The following PPIB variants were observed in gnomAD, a reference collection of about 807,000 sequenced individuals.
The protein encoded by PPIB is peptidylprolyl isomerase B, also known as peptidyl-prolyl cis-trans isomerase B.
A neutral mutation model predicts 20.1 loss-of-function variants in PPIB; 15 were observed. The ratio of observed to expected loss-of-function variants is 0.75; its 90% confidence interval spans 0.50 to 1.15. The LOEUF is 1.15. PPIB is among the 50% of genes most tolerant of loss of function. The probability of loss-of-function intolerance (pLI) is 0.00; values close to 1 mark genes in which losing one functional copy is unlikely to be tolerated. For missense variants in PPIB, 278 were observed against 283.0 expected, an observed-to-expected ratio of 0.98 and a Z score of 0.13; for synonymous variants, 129 against 111.0, an observed-to-expected ratio of 1.16 and a Z score of -1.02.
In PPIB at chr15:64,156,756, T is replaced by A. The variant is rs754448469; in HGVS notation, c.497A>T (p.His166Leu). 2 of 1,614,172 alleles carry A rather than the reference T, an allele frequency of 1.2e-6. No homozygotes were observed. The highest frequency in any genetic ancestry group is 4.5e-5 in the East Asian group (2 of 44,886). Residue 166 changes from histidine to leucine, a missense_variant, in exon 4 of 5, where the codon CAT becomes CTT. Coordinates refer to ENST00000300026, the MANE Select transcript of PPIB (RefSeq NM_000942.5). This position sits in a 1 kb window ranked among gnomAD's most constrained non-coding sequence, Gnocchi z 6.4. ...TVKTAWLDGK[H>L]VVFGKVLEGM... is the part of the protein sequence containing the mutation. ...CTCTAGAACTTTGCCAAACACCACA[T>A]GCTTGCCATCTAGCCAGGCTGTCTT...
Position 64,156,349 on chromosome 15 carries a change from C to A in PPIB, c.529-204G>T. On this transcript the variant is annotated intron_variant, in intron 4 of 4. Transcript: ENST00000300026. This position sits in a 1 kb window ranked among gnomAD's most constrained non-coding sequence, Gnocchi z 6.4. Reference sequence around the variant, plus strand: ...ACGAGGGGGTACAGGAATTTTGTTCCTTTGAAGTAAGACCCAGGTTGGGCC... The same window carrying A: ...ACGAGGGGGTACAGGAATTTTGTTCATTTGAAGTAAGACCCAGGTTGGGCC... 1.3e-6 allele frequency: 1 copy of A among 747,352 alleles called. No homozygotes were observed. The highest frequency in any genetic ancestry group is 2.7e-5 in the East Asian group (1 of 36,916). The allele number at this position is 747,352 out of a possible 1,614,324, so 46.3% of individuals were successfully genotyped here.
At position 64,162,134 on chromosome 15, in the gene PPIB, A is replaced by G. The variant is rs1238475306; in HGVS notation, c.156T>C (p.Ile52=). 1 of 1,613,710 alleles carries G rather than the reference A, an allele frequency of 6.2e-7. No individual in the cohort carries two copies. The highest frequency in any genetic ancestry group is 2.2e-5 in the East Asian group (1 of 44,888). The change falls in exon 2 of 5, where the codon ATT becomes ATC. Residue 52 remains isoleucine, a synonymous_variant. Transcript: ENST00000300026. ...VTVKVYFDLR[I]GDEDVGRVIF... ...TCACCCGGCCTACATCTTCATCTCC[A>G]ATTCGTAGGTCAAAATACACCTGAG...
chr15:64,160,037 A>C lies in PPIB; in HGVS notation c.343+67T>G. The C allele has an allele frequency of 7.3e-7, 1 of 1,377,186 alleles. No homozygotes were observed. The highest frequency in any genetic ancestry group is 1.0e-6 in the Non-Finnish European group (1 of 964,700). 85.3% of individuals were successfully genotyped at this position (1,377,186 alleles called of 1,614,324 possible). On this transcript the variant is annotated intron_variant, in intron 3 of 4. Transcript: ENST00000300026. The surrounding 1 kb of genome is among the most constrained non-coding windows in gnomAD (Gnocchi z 4.8). ...AAGAAAGAGGCCTGGTCTCCCCAGC[A>C]GAACCTGGCCCTCCCACTGTGGAGG...
chr15:64,155,865 A>C lies in PPIB; in HGVS notation c.*158T>G. ...TTTTTTTTTATTGGTCAGTGTTGGTAGGAGTTTGTTACAAAAGTGAGTCCA... is the reference window on the plus strand; with the variant it reads ...TTTTTTTTTATTGGTCAGTGTTGGTCGGAGTTTGTTACAAAAGTGAGTCCA... On this transcript the variant is annotated 3_prime_UTR_variant, in exon 5 of 5. Transcript: ENST00000300026. The C allele has an allele frequency of 1.4e-5, 14 of 985,132 alleles. No homozygotes were observed. Among genetic ancestry groups the C allele is most frequent in the East Asian group, 2.5e-5 (1 of 39,692 alleles). 61.0% of individuals were successfully genotyped at this position (985,132 alleles called of 1,614,324 possible).
At position 64,156,030 on chromosome 15, in the gene PPIB, T is replaced by C. The variant is rs2081527763; in HGVS notation, c.644A>G (p.Lys215Arg). 1 of 1,614,178 alleles carries C rather than the reference T, an allele frequency of 6.2e-7. No homozygotes were observed. Among genetic ancestry groups the C allele is most frequent in the South Asian group, 1.1e-5 (1 of 91,082 alleles). ...GAAAGATGTCCCTGTGCCCTACTCCTTGGCGATGGCAAAGGGCTTCTCCAC... is the reference window on the plus strand; with the variant it reads ...GAAAGATGTCCCTGTGCCCTACTCCCTGGCGATGGCAAAGGGCTTCTCCAC... ...IEVEKPFAIA[K>R]E Residue 215 changes from lysine to arginine, a missense_variant, in exon 5 of 5, where the codon AAG becomes AGG. By Grantham distance (26) the Lys-to-Arg change is conservative. Coordinates refer to ENST00000300026, the MANE Select transcript of PPIB (RefSeq NM_000942.5). The surrounding 1 kb of genome is among the most constrained non-coding windows in gnomAD (Gnocchi z 6.4).
In PPIB at chr15:64,160,214, G is replaced by A; in HGVS notation, c.250-17C>T. 6.3e-7 allele frequency: 1 copy of A among 1,590,870 alleles called. No individual in the cohort carries two copies. Among genetic ancestry groups the A allele is most frequent in the Non-Finnish European group, 8.6e-7 (1 of 1,158,844 alleles). ...AAATCCTTTCTAGAAAAAGGGAAGA[G>A]AAGGTAAGGAGGTGGTATGGGGCAG... is the stretch of plus-strand genomic sequence containing the variant. On this transcript the variant is annotated splice_polypyrimidine_tract_variant and intron_variant, in intron 2 of 4. Transcript: ENST00000300026. The surrounding 1 kb of genome is among the most constrained non-coding windows in gnomAD (Gnocchi z 4.8).
At position 64,157,368 on chromosome 15, in the gene PPIB, A is replaced by C. The variant is rs2081541236; in HGVS notation, c.344-459T>G. The C allele has an allele frequency of 5.4e-6, 1 of 183,740 alleles. No individual in the cohort carries two copies. Among genetic ancestry groups the C allele is most frequent in the Admixed American group, 5.4e-5 (1 of 18,632 alleles). The allele number at this position is 183,740 out of a possible 1,614,324, so 11.4% of individuals were successfully genotyped here. On this transcript the variant is annotated intron_variant, in intron 3 of 4. Transcript: ENST00000300026. The surrounding 1 kb of genome is among the most constrained non-coding windows in gnomAD (Gnocchi z 4.2). ...GACACAGGCATAGCTGCAGAGGAGA[A>C]AGCAGCCAGAGATGTGTGGGGAGGG...
At chr15:64,162,316 T>A (rs1250331060) in intron 1 of PPIB, among the ~76,000 whole-genome samples, 162 bp from the exon 2 acceptor site, 1 of 152,140 alleles carries the variant, frequency 6.6e-6, no homozygotes, top group Non-Finnish European at 1.5e-5. Context: ...CCTATGAGAA[T>A]CTAATGAAAG....
Position 64,161,448 on chromosome 15 carries a change from G to A in PPIB, c.249+593C>T, listed in dbSNP as rs192121876. Among the ~76,000 whole-genome samples, 74 of 151,684 alleles carry A rather than the reference G, an allele frequency of 4.9e-4. No homozygotes were observed. Among genetic ancestry groups the A allele is most frequent in the South Asian group, 1.0e-3 (5 of 4,812 alleles). ...TAATTAAAAAAAATTTTTTTTGGCC[G>A]GGCATAGTGGCTCACACCTCTAATC... On this transcript the variant is annotated intron_variant, in intron 2 of 4. Coordinates refer to ENST00000300026, the MANE Select transcript of PPIB (RefSeq NM_000942.5). This position sits in a 1 kb window ranked among gnomAD's most constrained non-coding sequence, Gnocchi z 4.2.
rs2081560571 is a variant in PPIB at position 64,160,953 on chromosome 15, T to G, written c.250-756A>C. On this transcript the variant is annotated intron_variant, in intron 2 of 4. Coordinates refer to ENST00000300026, the MANE Select transcript of PPIB (RefSeq NM_000942.5). The surrounding 1 kb of genome is among the most constrained non-coding windows in gnomAD (Gnocchi z 4.8). ...GTGTGAGCCACCATGCCCAGCCTGTTTTTTTATTTTTTATTTTTATTTTTG... is the reference window on the plus strand; with the variant it reads ...GTGTGAGCCACCATGCCCAGCCTGTGTTTTTATTTTTTATTTTTATTTTTG... 1.3e-5 allele frequency among the ~76,000 whole-genome samples: 2 copies of G among 151,470 alleles called. No individual in the cohort carries two copies. Among genetic ancestry groups the G allele is most frequent in the Non-Finnish European group, 2.9e-5 (2 of 67,866 alleles).
At position 64,159,953 on chromosome 15, in the gene PPIB, A is replaced by C. The variant is rs1596030262; in HGVS notation, c.343+151T>G. ...TTGTACTGGGTTCCCTCTTCAAAGA[A>C]GGGTGCCGCTGGTCTCAAAGTAGGT... On this transcript the variant is annotated intron_variant, in intron 3 of 4. Transcript: ENST00000300026. The surrounding 1 kb of genome is among the most constrained non-coding windows in gnomAD (Gnocchi z 5.1). 3 of 722,684 alleles carry C rather than the reference A, an allele frequency of 4.2e-6. No individual in the cohort carries two copies. Among genetic ancestry groups the C allele is most frequent in the East Asian group, 5.4e-5 (2 of 37,302 alleles). 44.8% of individuals were successfully genotyped at this position (722,684 alleles called of 1,614,324 possible).
rs532903614 is a variant in PPIB, at chr15:64,155,994, G to A, written c.*29C>T. The A allele has an allele frequency of 3.7e-5, 59 of 1,613,978 alleles. No homozygotes were observed. In the Middle Eastern group the frequency reaches 1.3e-3, roughly 36 times the overall value. On this transcript the variant is annotated 3_prime_UTR_variant, in exon 5 of 5. Transcript: ENST00000300026. ...GGCGGACTACAGGGCCTGCACAGAC[G>A]GTCACTCAAAGAAAGATGTCCCTGT...
At position 64,156,059 on chromosome 15, in the gene PPIB, G is replaced by A. The variant is rs1596027267; in HGVS notation, c.615C>T (p.Ile205=). Residue 205 remains isoleucine, a synonymous_variant, in exon 5 of 5, where the codon ATC becomes ATT. Coordinates refer to ENST00000300026, the MANE Select transcript of PPIB (RefSeq NM_000942.5). This position sits in a 1 kb window ranked among gnomAD's most constrained non-coding sequence, Gnocchi z 6.4. ...CGATGGCAAAGGGCTTCTCCACCTC[G>A]ATCTTGCCGCAGTCTGCGATGATCA... ...KDVIIADCGK[I]EVEKPFAIAK... 3.1e-6 allele frequency: 5 copies of A among 1,614,184 alleles called. No homozygotes were observed. Among genetic ancestry groups the A allele is most frequent in the Non-Finnish European group, 3.4e-6 (4 of 1,180,036 alleles).
rs1275507565 is a variant in PPIB, at chr15:64,162,898, G to A, written c.89C>T (p.Pro30Leu). The change falls in exon 1 of 5, where the codon CCT becomes CTT. Residue 30 changes from proline (P) to leucine (L), a missense_variant. Physicochemically the swap from Pro to Leu is moderately conservative, Grantham distance 98 (BLOSUM62 -3). Transcript: ENST00000300026. ...GSVFFLLLPG[P>L]SAADEKKKGP... ...CTTCTTCTTCTCATCGGCCGCAGAA[G>A]GTCCCGGCAGCAGCAGGAAGAAGAC... is the stretch of plus-strand genomic sequence containing the variant. The A allele has an allele frequency of 1.2e-6, 2 of 1,613,116 alleles. No homozygotes were observed. Among genetic ancestry groups the A allele is most frequent in the Non-Finnish European group, 1.7e-6 (2 of 1,179,776 alleles).
chr15:64,162,534 G>C (rs2081568646), intron 1 of PPIB, among the ~76,000 whole-genome samples: 1 of 152,228 alleles, frequency 6.6e-6, no homozygotes, highest in African/African-American at 2.4e-5. Flanking sequence ...GGCTTAAGGA[G>C]AGAAAGGATT....
rs1421327325 is a variant in PPIB, at chr15:64,162,058, C to A, written c.232G>T (p.Ala78Ser). ...TVPKTVDNFVALATGEKGFGY... is the reference protein window; with the variant it reads ...TVPKTVDNFVSLATGEKGFGY... ...CCACTTACCTCTCCTGTAGCTAAGG[C>A]CACAAAATTATCCACTGTTTTTGGA... The change falls in exon 2 of 5, where the codon GCC becomes TCC. Residue 78 changes from alanine (A) to serine (S), a missense_variant. Physicochemically the swap from Ala to Ser is moderately conservative, Grantham distance 99. Coordinates refer to ENST00000300026, the MANE Select transcript of PPIB (RefSeq NM_000942.5). The A allele has an allele frequency of 1.2e-6, 2 of 1,613,500 alleles. No individual in the cohort carries two copies. The highest frequency in any genetic ancestry group is 1.7e-6 in the Non-Finnish European group (2 of 1,179,432).
rs2081561882 is a variant in PPIB, at chr15:64,161,233, AC to A, written c.249+807del. Among the ~76,000 whole-genome samples the A allele has an allele frequency of 6.6e-6, 1 of 151,868 alleles. No homozygotes were observed. The highest frequency in any genetic ancestry group is 2.4e-5 in the African/African-American group (1 of 41,360). On this transcript the variant is annotated intron_variant, in intron 2 of 4. Transcript: ENST00000300026. This position sits in a 1 kb window ranked among gnomAD's most constrained non-coding sequence, Gnocchi z 4.2. ...CGCCTCAGCCTCCCAAAGTGCTGGGACTACAGGCATGAGTTACTGCGCCCGG... is the reference window on the plus strand; with the variant it reads ...CGCCTCAGCCTCCCAAAGTGCTGGGATACAGGCATGAGTTACTGCGCCCGG...
At position 64,156,911 on chromosome 15, in the gene PPIB, TG is replaced by T; in HGVS notation, c.344-3del. 2 of 1,613,924 alleles carry T rather than the reference TG, an allele frequency of 1.2e-6. No individual in the cohort carries two copies. Among genetic ancestry groups the T allele is most frequent in the Non-Finnish European group, 1.7e-6 (2 of 1,179,916 alleles). ...AGCGCTCACCGTAGATGCTCTTTCC[TG>T]GGAAAAAAGACAGAGCAGGTCAGGG... On this transcript the variant is annotated splice_region_variant and splice_polypyrimidine_tract_variant and intron_variant, in intron 3 of 4. Coordinates refer to ENST00000300026, the MANE Select transcript of PPIB (RefSeq NM_000942.5). This position sits in a 1 kb window ranked among gnomAD's most constrained non-coding sequence, Gnocchi z 6.4.
In PPIB at chr15:64,156,914, G is replaced by GA. The variant is rs1269564174; in HGVS notation, c.344-6dup. On this transcript the variant is annotated splice_region_variant and splice_polypyrimidine_tract_variant and intron_variant, in intron 3 of 4. Coordinates refer to ENST00000300026, the MANE Select transcript of PPIB (RefSeq NM_000942.5). The surrounding 1 kb of genome is among the most constrained non-coding windows in gnomAD (Gnocchi z 6.4). ...GCTCACCGTAGATGCTCTTTCCTGG[G>GA]AAAAAAGACAGAGCAGGTCAGGGGC... 1.7e-5 allele frequency: 28 copies of GA among 1,613,812 alleles called. No homozygotes were observed. The highest frequency in any genetic ancestry group is 2.2e-5 in the Non-Finnish European group (26 of 1,179,940).
Sources: gnomAD v4.1 joint callset for allele counts (sites outside exome capture counted in the v4.1 genomes callset) on GRCh38, gnomAD v4.1.1 for gene constraint, Gnocchi (gnomAD v3.1) non-coding constraint, MANE v1.5 for transcripts, NCBI Gene and HGNC (gene_info 2026-07-23, HGNC 2026-07-21) for gene names.